SUZ12: variants seen among roughly 807,000 people sequenced by gnomAD.
SUZ12 encodes SUZ12 polycomb repressive complex 2 subunit.
Under a neutral mutation model 87.3 loss-of-function variants are expected in SUZ12, and 17 were observed. The ratio of observed to expected loss-of-function variants is 0.19; its 90% CI spans 0.13 to 0.29. The LOEUF is 0.29. Ranked by LOEUF, SUZ12 falls within the 10% of genes least tolerant of loss-of-function variation. SUZ12 has a pLI of 1.00. For synonymous variants in SUZ12, 253 were observed against 312.4 expected (o/e 0.81, Z 2.01); for missense variants, 526 against 912.2 (o/e 0.58, Z 5.45).
chr17:31,944,857 G>C (rs975409738), intron 3 of SUZ12, among the ~76,000 whole-genome samples: 1 of 151,942 alleles, frequency 6.6e-6, no homozygotes, highest in Non-Finnish European at 1.5e-5. Flanking sequence ...ATTTAAAGGC[G>C]AGAGTTATAG....
intron 10 of SUZ12, among the ~76,000 whole-genome samples, chr17:31,992,309 A>G (rs767560049): frequency 7.9e-5 from 12 of 152,158 alleles, no homozygotes; most frequent in Non-Finnish European, 1.5e-4. Flanking sequence ...AAAAAAACAC[A>G]TTCTGACCTC....
rs11870302 is a variant in SUZ12, at chr17:31,973,337, A to C, written c.591+106A>C. ...TTAAAGCTTAGTTTTAAATTTTGAA[A>C]GCTTAAGAAATGTGTTGATGGCCTA... On this transcript the variant is annotated intron_variant, in intron 6 of 15. Coordinates refer to ENST00000322652, the MANE Select transcript of SUZ12 (RefSeq NM_015355.4). The C allele has an allele frequency of 0.012, 12,570 of 1,078,704 alleles. 918 individuals are homozygous for C. In the African/African-American group the frequency reaches 0.17, roughly 14 times the overall value. 66.8% of individuals were successfully genotyped at this position (1,078,704 alleles called of 1,614,324 possible).
rs758312683 is a variant in SUZ12, at chr17:31,972,345, G to GTA, written c.506-789_506-788dup. On this transcript the variant is annotated intron_variant, in intron 5 of 15. Transcript: ENST00000322652. ...TATGTATGTATGTGTATATATATGT[G>GTA]TATATATATATATGTGTATGTATGT... 8.2e-3 allele frequency among the ~76,000 whole-genome samples: 1,210 copies of GTA among 147,160 alleles called. 8 individuals carry two copies. Among genetic ancestry groups the GTA allele is most frequent in the Non-Finnish European group, 9.7e-3 (650 of 67,076 alleles).
rs917299790 is a variant in SUZ12, at chr17:31,941,228, AT to A, written c.386+753del. 8.0e-4 allele frequency among the ~76,000 whole-genome samples: 102 copies of A among 126,862 alleles called. 1 individual carries two copies. Among genetic ancestry groups the A allele is most frequent in the South Asian group, 4.3e-3 (17 of 3,964 alleles). 83.2% of individuals were successfully genotyped at this position (126,862 alleles called of 152,430 possible). A position where few individuals can be genotyped will look rare whatever the true frequency, so the allele number is the denominator to read the frequency against. On this transcript the variant is annotated intron_variant, in intron 3 of 15. Coordinates refer to ENST00000322652, the MANE Select transcript of SUZ12 (RefSeq NM_015355.4). ...GCCATTCTCCTGCCTCAGCCTCCTTATTTTTTTTTTTATTGTTGTTGTTGTT... is the reference window on the plus strand; with the variant it reads ...GCCATTCTCCTGCCTCAGCCTCCTTATTTTTTTTTTATTGTTGTTGTTGTT...
Position 31,994,693 on chromosome 17 carries a change from A to G in SUZ12, c.1567A>G (p.Thr523Ala). The change falls in exon 13 of 16, where the codon ACA becomes GCA. Residue 523 changes from threonine to alanine, a missense_variant. Physicochemically the swap from Thr to Ala is moderately conservative, Grantham distance 58. This residue lies in a region of SUZ12 where 143 missense variants were observed against 321.6 expected (regional missense o/e 0.44). Transcript: ENST00000322652. ...AFSRNGPVKR[T>A]PITHILVCRP... The stretch of plus-strand genomic sequence containing the variant: ...TAGTCGCAACGGACCAGTTAAGAGA[A>G]CACCTATCACACATATTCTTGTGTG... The G allele has an allele frequency of 6.2e-7, 1 of 1,613,968 alleles. No homozygotes were observed.
At chr17:31,947,578 A>G (rs1400309476) in intron 3 of SUZ12, 39 bp from the exon 4 acceptor site, 1 of 1,585,592 alleles carries the variant, frequency 6.3e-7, no homozygotes, top group Non-Finnish European at 8.6e-7. Flanking sequence ...TCTTTTTCCC[A>G]GTTGAGAAGT....
At position 31,998,926 on chromosome 17, in the gene SUZ12, A is replaced by G; in HGVS notation, c.2143A>G (p.Ile715Val). 1 of 1,611,824 alleles carries G rather than the reference A, an allele frequency of 6.2e-7. No homozygotes were observed. Among genetic ancestry groups the G allele is most frequent in the South Asian group, 1.1e-5 (1 of 90,534 alleles). ...TGGGACAGCAAATGGATTTAGTGAA[A>G]TTAACTCAAAAGAGAAAGCTTTGGA... ...QNGTANGFSE[I>V]NSKEKALETD... Residue 715 changes from isoleucine (I) to valine (V), a missense_variant, in exon 16 of 16, where the codon ATT becomes GTT. Around this residue, in one of 9 missense-constraint regions of SUZ12, gnomAD observed 56 missense variants for 56.6 expected, o/e 0.99. Coordinates refer to ENST00000322652, the MANE Select transcript of SUZ12 (RefSeq NM_015355.4).
chr17:31,979,841 T>A (rs1384053458), intron 8 of SUZ12, among the ~76,000 whole-genome samples: 1 of 152,228 alleles, frequency 6.6e-6, no homozygotes, highest in East Asian at 1.9e-4. Context: ...CCAATAGTTT[T>A]AGCATTGATT....
At chr17:31,975,811 C>G (rs1908711559) in intron 7 of SUZ12, 98 bp downstream of exon 7, 7 of 980,416 alleles carry the variant, frequency 7.1e-6, no homozygotes, top group Non-Finnish European at 1.0e-5. Context: ...GGTGCTGAGT[C>G]TTAAAGCAAA....
chr17:31,993,966 G>A lies in SUZ12; in HGVS notation c.1395G>A (p.Lys465=), dbSNP rs374680558. 1.1e-5 allele frequency: 18 copies of A among 1,613,266 alleles called. No homozygotes were observed. Among genetic ancestry groups the A allele is most frequent in the South Asian group, 2.2e-5 (2 of 90,954 alleles). ...GCCGCAAACTTTATAGTTTACTCAA[G>A]CATCTTAAACTCTGCCATAGCAGAT... ...LNCRKLYSLL[K]HLKLCHSRFI... The change falls in exon 12 of 16, where the codon AAG becomes AAA. Residue 465 remains lysine, a synonymous_variant. Transcript: ENST00000322652.
rs997315229 is a variant in SUZ12 at position 31,988,809 on chromosome 17, C to T, written c.1201+312C>T. Among the ~76,000 whole-genome samples, 9 of 151,782 alleles carry T rather than the reference C, an allele frequency of 5.9e-5. 1 individual carries two copies. Among genetic ancestry groups the T allele is most frequent in the Non-Finnish European group, 1.0e-4 (7 of 67,970 alleles). On this transcript the variant is annotated intron_variant, in intron 10 of 15. Coordinates refer to ENST00000322652, the MANE Select transcript of SUZ12 (RefSeq NM_015355.4). ...GGGTTGGCCGAGCGCAGTGGCTCAA[C>T]ACCTGTAATCTCAGCATTTGGGAGA...
At chr17:31,990,654 C>A (rs539690965) in intron 10 of SUZ12, among the ~76,000 whole-genome samples, 1 of 152,020 alleles carries the variant, frequency 6.6e-6, no homozygotes, top group African/African-American at 2.4e-5. Context: ...CATGAGCCAT[C>A]GCGCCCAGCC....
At position 31,979,565 on chromosome 17, in the gene SUZ12, A is replaced by G. The variant is rs1314600244; in HGVS notation, c.917+2951A>G. 2.0e-5 allele frequency among the ~76,000 whole-genome samples: 3 copies of G among 152,278 alleles called. No homozygotes were observed. The East Asian group carries it at 5.8e-4, about 29-fold the overall frequency. ...ATAGGCCTGTAGTTTTGCAGAATGT[A>G]TCTCAATTAGGACTTCTGTGGTGAT... On this transcript the variant is annotated intron_variant, in intron 8 of 15. Transcript: ENST00000322652.
chr17:31,988,737 C>T (rs1382113575), intron 10 of SUZ12, among the ~76,000 whole-genome samples: 8 of 151,618 alleles, frequency 5.3e-5, no homozygotes, highest in Middle Eastern at 3.4e-3. Flanking sequence ...TGACTACAGG[C>T]GCATGCCACC....
intron 10 of SUZ12, among the ~76,000 whole-genome samples, chr17:31,992,288 TCAA>T (rs1909761054): frequency 9.2e-5 from 14 of 152,206 alleles, no homozygotes; most frequent in South Asian, 2.1e-4. Context: ...TGAATCTGTC[TCAA>T]CAACAACAAA....
Position 32,000,908 on chromosome 17 carries a change from A to G in SUZ12, c.*1905A>G, listed in dbSNP as rs1227367252. On this transcript the variant is annotated 3_prime_UTR_variant, in exon 16 of 16. Transcript: ENST00000322652. The stretch of plus-strand genomic sequence containing the variant: ...ATAACAGATTTTGAAGAAATCCTGT[A>G]AGATGATAAAGCATTTGAATGGTAC... The G allele has an allele frequency of 1.8e-5, 4 of 222,492 alleles. No homozygotes were observed. The highest frequency in any genetic ancestry group is 3.7e-4 in the South Asian group (2 of 5,428). 13.8% of individuals were successfully genotyped at this position (222,492 alleles called of 1,614,324 possible).
intron 10 of SUZ12, among the ~76,000 whole-genome samples, chr17:31,992,861 C>T (rs758216216): frequency 3.3e-5 from 5 of 152,066 alleles, no homozygotes; most frequent in East Asian, 1.9e-4. Flanking sequence ...CCCGCCACCA[C>T]GCCCTGCTAA....
At chr17:31,947,814 A>G (rs1906721983) in intron 4 of SUZ12, 129 bp downstream of exon 4, 2 of 927,944 alleles carry the variant, frequency 2.2e-6, no homozygotes, top group Non-Finnish European at 3.1e-6. Context: ...GTTTGGTCCA[A>G]ACTCACACAC....
At chr17:31,940,184 A>G in intron 1 of SUZ12, 102 bp from the exon 2 acceptor site, 2 of 1,496,996 alleles carry the variant, frequency 1.3e-6, no homozygotes, top group Non-Finnish European at 1.8e-6. Context: ...CGTGATTTCC[A>G]TAGCAGATGA....
Sources: gnomAD v4.1 joint callset for allele counts (sites outside exome capture counted in the v4.1 genomes callset) on GRCh38, gnomAD v4.1.1 for gene constraint, gnomAD v4.1.1 regional missense constraint, MANE v1.5 for transcripts, NCBI Gene and HGNC (gene_info 2026-07-23, HGNC 2026-07-21) for gene names.